PLCH2: variants seen among roughly 807,000 people sequenced by gnomAD.
The protein encoded by PLCH2 is 1-phosphatidylinositol 4,5-bisphosphate phosphodiesterase eta-2.
PLCH2 carries 98 observed loss-of-function variants against 134.7 expected under a neutral mutation model. The observed-to-expected ratio is 0.73, with a 90% CI of 0.62 to 0.86. The LOEUF is 0.86. Ranked by LOEUF, PLCH2 falls within the 40% of genes least tolerant of loss-of-function variation. PLCH2 has a pLI of 0.00. For missense variants in PLCH2, 1,994 were observed against 1,986.6 expected (o/e 1.00, Z -0.07); for synonymous variants, 974 against 827.5 (o/e 1.18, Z -3.04).
At chr1:2,490,776 CA>C (rs1348464777) in intron 10 of PLCH2, among the ~76,000 whole-genome samples, 2 of 152,186 alleles carry the variant, frequency 1.3e-5, no homozygotes, top group Non-Finnish European at 2.9e-5. Context: ...ACCCTGTCCT[CA>C]AGGATTCCAA....
At chr1:2,483,779 C>T (rs114357604) in intron 4 of PLCH2, among the ~76,000 whole-genome samples, 6,432 of 42,994 alleles carry the variant, frequency 0.15, 403 homozygotes, top group Non-Finnish European at 0.2. Context: ...GGGCGCTGAC[C>T]CCCGTTTGGG....
chr1:2,462,401 A>AC (rs1170412150), intron 2 of PLCH2, among the ~76,000 whole-genome samples: 1 of 49,552 alleles, frequency 2.0e-5, no homozygotes, highest in Non-Finnish European at 4.0e-5. Flanking sequence ...TCCGCCTGAC[A>AC]CCCCTCTGCC....
chr1:2,502,075 C>G (rs947421429), intron 20 of PLCH2, 37 bp from the exon 21 acceptor site: 1 of 1,411,044 alleles, frequency 7.1e-7, no homozygotes, highest in African/African-American at 1.5e-5. Flanking sequence ...TGGGCTGGGA[C>G]CCCTGGCAAC....
intron 1 of PLCH2, among the ~76,000 whole-genome samples, chr1:2,428,093 G>A (rs562570614): frequency 1.0e-3 from 156 of 152,308 alleles, no homozygotes; most frequent in South Asian, 4.8e-3. Flanking sequence ...TGGGGACAGG[G>A]TCCAGGGGAC....
chr1:2,428,577 G>A (rs1014755315), intron 1 of PLCH2, among the ~76,000 whole-genome samples: 2 of 152,274 alleles, frequency 1.3e-5, no homozygotes, highest in African/African-American at 2.4e-5. Flanking sequence ...TGCGGCAGCC[G>A]ACGTGGCGTT....
rs1030923791 is a variant in PLCH2 at position 2,439,966 on chromosome 1, G to T, written c.115+9337G>T. On this transcript the variant is annotated intron_variant, in intron 2 of 3. Transcript: ENST00000609981. The surrounding 1 kb of genome is among the most constrained non-coding windows in gnomAD (Gnocchi z 4.7). ...TGCGGGGGACAAGGCAACCAGGGAG[G>T]CTTCCCAGAGGAGGTGCCTCGTTCC... is the stretch of plus-strand genomic sequence containing the variant. 1.3e-5 allele frequency among the ~76,000 whole-genome samples: 2 copies of T among 152,178 alleles called. No individual in the cohort carries two copies. Among genetic ancestry groups the T allele is most frequent in the Non-Finnish European group, 2.9e-5 (2 of 68,022 alleles).
chr1:2,481,009 TACACGCACAC>T (rs911436460), intron 4 of PLCH2, among the ~76,000 whole-genome samples: 1 of 152,196 alleles, frequency 6.6e-6, no homozygotes, highest in African/African-American at 2.4e-5. Context: ...GACACGCACA[TACACGCACAC>T]ACACGCACAC....
rs1643054902 is a variant in PLCH2, at chr1:2,498,934, C to T, written c.2434+106C>T. ...GCCCTGCCCAGGCCTCCCTCAGTGA[C>T]AGTCCTGGGCGCCCTCCCCTCTAGG... On this transcript the variant is annotated intron_variant, in intron 18 of 21. Coordinates refer to ENST00000378486, the MANE Select transcript of PLCH2 (RefSeq NM_014638.4). The surrounding 1 kb of genome is among the most constrained non-coding windows in gnomAD (Gnocchi z 5.4). 1 of 1,329,476 alleles carries T rather than the reference C, an allele frequency of 7.5e-7. No individual in the cohort carries two copies. Among genetic ancestry groups the T allele is most frequent in the African/African-American group, 1.5e-5 (1 of 68,878 alleles). The allele number at this position is 1,329,476 out of a possible 1,614,324, so 82.4% of individuals were successfully genotyped here.
intron 10 of PLCH2, among the ~76,000 whole-genome samples, chr1:2,490,304 A>G (rs561531551): frequency 2.9e-4 from 44 of 152,290 alleles, no homozygotes; most frequent in African/African-American, 1.0e-3. Context: ...AGTACTGCCC[A>G]GCCACCCCCG....
chr1:2,480,547 C>A (rs147448246), intron 4 of PLCH2, among the ~76,000 whole-genome samples: 6 of 152,034 alleles, frequency 3.9e-5, no homozygotes, highest in African/African-American at 1.4e-4. Context: ...GGGCCGGGGG[C>A]TGCTCTGCCA....
intron 2 of PLCH2, among the ~76,000 whole-genome samples, chr1:2,461,627 A>C (rs1392127399): frequency 6.6e-6 from 1 of 152,084 alleles, no homozygotes; most frequent in Non-Finnish European, 1.5e-5. Flanking sequence ...CACTGTGGGG[A>C]CAGTGACGCC....
intron 2 of PLCH2, among the ~76,000 whole-genome samples, chr1:2,455,100 C>T (rs980634054): frequency 2.6e-5 from 4 of 152,204 alleles, no homozygotes; most frequent in Non-Finnish European, 1.5e-5. Flanking sequence ...GATGCTGAGC[C>T]CCCAGCGGAG....
At chr1:2,475,036 G>T (rs751659605), upstream of PLCH2, among the ~76,000 whole-genome samples, 1 of 152,206 alleles carries the variant, frequency 6.6e-6, no homozygotes, top group Admixed American at 6.5e-5. Context: ...TGCTTCCGCC[G>T]AGAGCAGCAG....
chr1:2,489,713 C>T, intron 9 of PLCH2, 47 bp from the exon 10 acceptor site: 1 of 1,464,242 alleles, frequency 6.8e-7, no homozygotes, highest in South Asian at 1.1e-5. Flanking sequence ...TACTGGCTTC[C>T]CAGCATTTTC....
chr1:2,478,043 G>A (rs576097320), intron 1 of PLCH2, among the ~76,000 whole-genome samples: 2 of 152,364 alleles, frequency 1.3e-5, no homozygotes, highest in East Asian at 1.9e-4. Context: ...GTCTTGCCTC[G>A]TGCCCGGCCT....
At chr1:2,442,320 GTC>G (rs1639729181) in intron 2 of PLCH2, among the ~76,000 whole-genome samples, 3 of 152,158 alleles carry the variant, frequency 2.0e-5, no homozygotes, top group Admixed American at 1.3e-4. Context: ...TGTGTCTTCT[GTC>G]TCCTCTTCAG....
intron 20 of PLCH2, 179 bp downstream of exon 20, chr1:2,499,899 G>C: frequency 1.6e-6 from 1 of 632,114 alleles, no homozygotes; most frequent in East Asian, 2.7e-5. Context: ...CCTGGCTCCT[G>C]AGCCACCAGT....
intron 10 of PLCH2, among the ~76,000 whole-genome samples, chr1:2,490,646 C>T (rs1192370514): frequency 6.6e-6 from 1 of 152,246 alleles, no homozygotes; most frequent in African/African-American, 2.4e-5. Flanking sequence ...CTCTTCCTGC[C>T]TGGGATGTGC....
intron 13 of PLCH2, among the ~76,000 whole-genome samples, chr1:2,495,902 G>A (rs1642858337): frequency 1.3e-5 from 2 of 152,156 alleles, no homozygotes; most frequent in Non-Finnish European, 2.9e-5. Context: ...ACAAATGCCT[G>A]CCATGAAGTG....
Sources: allele counts gnomAD v4.1 joint callset (sites outside exome capture counted in the v4.1 genomes callset), GRCh38; gene constraint gnomAD v4.1.1; non-coding constraint Gnocchi (gnomAD v3.1); transcripts MANE v1.5; gene names NCBI Gene and HGNC (gene_info 2026-07-23, HGNC 2026-07-21).